KCND2: variants seen among roughly 807,000 people sequenced by gnomAD.
KCND2 encodes the protein potassium voltage-gated channel subfamily D member 2, also known as A-type voltage-gated potassium channel KCND2.
In KCND2, 16 loss-of-function variants were observed where a neutral mutation model predicts 54.4. The ratio of observed to expected loss-of-function variants is 0.29; its 90% confidence interval spans 0.20 to 0.45. KCND2 has a LOEUF of 0.45. Among genes scored for constraint, KCND2 ranks in the 20% least tolerant of loss-of-function variants. The pLI is 1.00. For synonymous variants in KCND2, 317 were observed against 310.7 expected (o/e 1.02, Z -0.21); for missense variants, 486 against 824.2 (o/e 0.59, Z 5.02).
intron 1 of KCND2, among the ~76,000 whole-genome samples, chr7:120,540,432 C>G (rs1304375208): frequency 4.0e-5 from 6 of 151,738 alleles, no homozygotes. Flanking sequence ...AAATATTATC[C>G]AGATGGTTTG....
At chr7:120,399,381 C>T (rs1801207521) in intron 1 of KCND2, among the ~76,000 whole-genome samples, 2 of 151,338 alleles carry the variant, frequency 1.3e-5, no homozygotes, top group Non-Finnish European at 2.9e-5. Context: ...GAGAAAAAAA[C>T]ATTAGAGGAA....
chr7:120,649,022 T>C (rs1306186248), intron 1 of KCND2, among the ~76,000 whole-genome samples: 1 of 152,160 alleles, frequency 6.6e-6, no homozygotes, highest in Non-Finnish European at 1.5e-5. Context: ...TAAAAACACA[T>C]AGATTCATAG....
intron 1 of KCND2, among the ~76,000 whole-genome samples, chr7:120,565,659 A>G (rs1008855743): frequency 2.6e-5 from 4 of 152,188 alleles, no homozygotes; most frequent in Non-Finnish European, 4.4e-5. Flanking sequence ...CATGGTTTTT[A>G]AAATAAAGTG....
At chr7:120,686,133 G>A (rs1191476482) in intron 1 of KCND2, among the ~76,000 whole-genome samples, 4 of 152,016 alleles carry the variant, frequency 2.6e-5, no homozygotes, top group Non-Finnish European at 4.4e-5. Context: ...ATAAGAACCC[G>A]GATTCTAAAT....
intron 1 of KCND2, among the ~76,000 whole-genome samples, chr7:120,578,916 T>TCTCACACA (rs1554370790): frequency 5.5e-5 from 8 of 146,772 alleles, no homozygotes; most frequent in African/African-American, 2.0e-4. Flanking sequence ...AGACCCTGTC[T>TCTCACACA]CACACACACA....
chr7:120,473,751 A>G (rs1802494289), intron 1 of KCND2, among the ~76,000 whole-genome samples: 2 of 152,168 alleles, frequency 1.3e-5, no homozygotes, highest in Non-Finnish European at 2.9e-5. Flanking sequence ...AATAATCGTG[A>G]CAGTGTACAG....
intron 1 of KCND2, among the ~76,000 whole-genome samples, chr7:120,627,877 A>G (rs115915015): frequency 6.6e-6 from 1 of 152,040 alleles, no homozygotes; most frequent in Non-Finnish European, 1.5e-5. Flanking sequence ...TATTATAAAG[A>G]GGAGAAAAAA....
intron 3 of KCND2, chr7:120,742,257 TAGTTG>T: frequency 2.2e-6 from 1 of 452,896 alleles, no homozygotes; most frequent in South Asian, 2.2e-5. Context: ...ACATAGTTGC[TAGTTG>T]AATGAGTAAA....
intron 1 of KCND2, among the ~76,000 whole-genome samples, chr7:120,588,402 A>AGAGTGTGTGT (rs146880503): frequency 1.8e-4 from 25 of 141,410 alleles, no homozygotes; most frequent in Admixed American, 2.8e-4. Flanking sequence ...GCAACTGTGC[A>AGAGTGTGTGT]GTGTGTGTGT....
intron 1 of KCND2, among the ~76,000 whole-genome samples, chr7:120,313,174 C>T (rs1799764341): frequency 6.6e-6 from 1 of 152,084 alleles, no homozygotes; most frequent in African/African-American, 2.4e-5. Flanking sequence ...CTTTATCTGG[C>T]TTGCCATAAA....
intron 1 of KCND2, among the ~76,000 whole-genome samples, chr7:120,380,621 A>G (rs890891544): frequency 2.6e-5 from 4 of 152,098 alleles, no homozygotes; most frequent in African/African-American, 9.6e-5. Context: ...GCTTTTTTGT[A>G]TATAGTTTAG....
intron 1 of KCND2, among the ~76,000 whole-genome samples, chr7:120,656,582 A>G (rs578122139): frequency 1.3e-5 from 2 of 152,326 alleles, no homozygotes; most frequent in South Asian, 4.1e-4. Context: ...TAATGAAGTA[A>G]TTTTATACAA....
intron 1 of KCND2, among the ~76,000 whole-genome samples, chr7:120,566,555 A>G (rs1792300202): frequency 6.6e-6 from 1 of 152,060 alleles, no homozygotes; most frequent in Non-Finnish European, 1.5e-5. Flanking sequence ...TATATTGCCC[A>G]GGCTGATCTC....
chr7:120,433,628 G>A (rs558477017), intron 1 of KCND2, among the ~76,000 whole-genome samples: 2 of 152,130 alleles, frequency 1.3e-5, no homozygotes, highest in Admixed American at 6.5e-5. Context: ...CTGGCATGTA[G>A]TAAATGCTCT....
chr7:120,369,570 T>G (rs1464656712), intron 1 of KCND2, among the ~76,000 whole-genome samples: 6 of 152,210 alleles, frequency 3.9e-5, no homozygotes, highest in Admixed American at 3.3e-4. Flanking sequence ...AATCCAGATG[T>G]AGAGTCTGCA....
At chr7:120,712,697 G>T (rs1282835937) in intron 1 of KCND2, among the ~76,000 whole-genome samples, 2 of 152,050 alleles carry the variant, frequency 1.3e-5, no homozygotes, top group African/African-American at 4.8e-5. Flanking sequence ...AATTTTATTT[G>T]GTTTTAAAAT....
At chr7:120,578,570 A>G (rs1481870638) in intron 1 of KCND2, among the ~76,000 whole-genome samples, 1 of 152,116 alleles carries the variant, frequency 6.6e-6, no homozygotes, top group East Asian at 1.9e-4. Context: ...TTTGTCTACT[A>G]AAAATACAAA....
At chr7:120,537,744 C>A (rs150340943) in intron 1 of KCND2, among the ~76,000 whole-genome samples, 1 of 152,296 alleles carries the variant, frequency 6.6e-6, no homozygotes, top group East Asian at 1.9e-4. Context: ...CATGAACCAA[C>A]CTGTGCTAGC....
intron 1 of KCND2, among the ~76,000 whole-genome samples, chr7:120,431,409 G>T (rs564362362): frequency 6.6e-6 from 1 of 152,188 alleles, no homozygotes; most frequent in Non-Finnish European, 1.5e-5. Context: ...GGAGGGAGTA[G>T]TGAGTATCAG....
Sources: gnomAD v4.1 joint callset for allele counts (sites outside exome capture counted in the v4.1 genomes callset) on GRCh38, gnomAD v4.1.1 for gene constraint, MANE v1.5 for transcripts, NCBI Gene and HGNC (gene_info 2026-07-23, HGNC 2026-07-21) for gene names.